The following RAD51B variants were observed in gnomAD, a reference collection of about 807,000 sequenced individuals.
RAD51B encodes the protein DNA repair protein RAD51 homolog 2.
Under a neutral mutation model 42.2 loss-of-function variants are expected in RAD51B, and 38 were observed. The ratio of observed to expected loss-of-function variants is 0.90; its 90% confidence interval spans 0.70 to 1.18. The LOEUF (loss-of-function observed/expected upper bound fraction) is 1.18. Ranked by LOEUF, RAD51B falls within the 50% of genes most tolerant of loss-of-function variation. The pLI, the probability that RAD51B is intolerant of heterozygous loss-of-function variation, is 0.00. For missense variants in RAD51B, 373 were observed against 400.7 expected, an observed-to-expected ratio of 0.93 and a Z score of 0.59; for synonymous variants, 154 against 145.2, an observed-to-expected ratio of 1.06 and a Z score of -0.43.
At chr14:68,071,994 A>G (rs1249142211) in intron 7 of RAD51B, among the ~76,000 whole-genome samples, 1 of 143,308 alleles carries the variant, frequency 7.0e-6, no homozygotes, top group Admixed American at 7.1e-5. Flanking sequence ...GGGATGTTGT[A>G]TGTTTCCAGG....
chr14:68,673,892 A>G (rs1322134175), intron 11 of RAD51B, among the ~76,000 whole-genome samples: 2 of 151,642 alleles, frequency 1.3e-5, no homozygotes, highest in Non-Finnish European at 2.9e-5. Context: ...ACATGTATAC[A>G]TGCACACACA....
chr14:68,221,801 CTAA>C (rs1185314387), intron 7 of RAD51B, among the ~76,000 whole-genome samples: 2 of 152,124 alleles, frequency 1.3e-5, no homozygotes, highest in African/African-American at 4.8e-5. Context: ...TGACAAAGGA[CTAA>C]TATCCAGAAT....
intron 7 of RAD51B, among the ~76,000 whole-genome samples, chr14:68,096,974 G>A (rs2140536097): frequency 6.6e-6 from 1 of 152,264 alleles, no homozygotes; most frequent in Middle Eastern, 3.4e-3. Context: ...ACATGTGTAA[G>A]GACAATTAAG....
chr14:68,645,588 C>T (rs547561882), intron 10 of RAD51B, among the ~76,000 whole-genome samples: 1 of 152,320 alleles, frequency 6.6e-6, no homozygotes, highest in South Asian at 2.1e-4. Flanking sequence ...CTGTTTTCCA[C>T]AATGGCTGTA....
intron 3 of RAD51B, among the ~76,000 whole-genome samples, chr14:67,826,325 T>G (rs1441860108): frequency 2.0e-5 from 3 of 152,202 alleles, no homozygotes; most frequent in Admixed American, 1.3e-4. Flanking sequence ...AAAAGGTAAT[T>G]AAAAATTTAT....
At chr14:68,262,238 A>G (rs1438719849) in intron 7 of RAD51B, among the ~76,000 whole-genome samples, 1 of 152,154 alleles carries the variant, frequency 6.6e-6, no homozygotes, top group East Asian at 1.9e-4. Flanking sequence ...TTTAGCATCC[A>G]AGGTTTAAGA....
intron 7 of RAD51B, among the ~76,000 whole-genome samples, chr14:67,952,189 G>C (rs1396374270): frequency 6.7e-6 from 1 of 148,890 alleles, no homozygotes; most frequent in Admixed American, 6.7e-5. Flanking sequence ...ACCATATGTA[G>C]AAAATGCTCA....
rs555903379 is a variant in RAD51B, at chr14:68,437,251, A to G, written c.957+25724A>G. 7.2e-5 allele frequency among the ~76,000 whole-genome samples: 11 copies of G among 152,338 alleles called. No individual in the cohort carries two copies. In the South Asian group the frequency reaches 2.3e-3, roughly 32 times the overall value. On this transcript the variant is annotated intron_variant, in intron 9 of 10. Coordinates refer to ENST00000471583, the MANE Select transcript of RAD51B (RefSeq NM_133510.4). ...TATGGATTTTCTCAGAAGCTTCCGC[A>G]TCTATTGAGATGATCATATGGTTTT...
At chr14:68,675,472 C>T (rs1202255257) in intron 11 of RAD51B, among the ~76,000 whole-genome samples, 5 of 152,168 alleles carry the variant, frequency 3.3e-5, no homozygotes, top group African/African-American at 1.2e-4. Context: ...GCCCCCAACA[C>T]AGTAACACAA....
intron 8 of RAD51B, among the ~76,000 whole-genome samples, chr14:68,317,459 G>A (rs115122041): frequency 0.015 from 2,259 of 150,668 alleles, 54 homozygotes; most frequent in African/African-American, 0.053. Flanking sequence ...GTAAAGTGCC[G>A]TGTGATGTCA....
At chr14:68,355,152 G>A (rs964316184) in intron 8 of RAD51B, among the ~76,000 whole-genome samples, 2 of 152,122 alleles carry the variant, frequency 1.3e-5, no homozygotes, top group Admixed American at 1.3e-4. Flanking sequence ...TTGCTTTGGT[G>A]GGACTAGTAC....
chr14:67,873,628 C>T (rs2042620755), intron 5 of RAD51B, among the ~76,000 whole-genome samples: 1 of 151,744 alleles, frequency 6.6e-6, no homozygotes, highest in Admixed American at 6.6e-5. Context: ...GCTATAAAGA[C>T]ACATGCACAC....
intron 7 of RAD51B, among the ~76,000 whole-genome samples, chr14:67,994,141 G>T (rs1360835981): frequency 6.6e-6 from 1 of 150,790 alleles, no homozygotes; most frequent in East Asian, 1.9e-4. Flanking sequence ...TCCTTTTTTG[G>T]ACTGTTGTTA....
At chr14:68,094,811 A>G (rs1400672996) in intron 7 of RAD51B, among the ~76,000 whole-genome samples, 1 of 152,226 alleles carries the variant, frequency 6.6e-6, no homozygotes, top group African/African-American at 2.4e-5. Context: ...GAAATCAAAT[A>G]TTTCAGTTGT....
chr14:68,047,411 A>G (rs578226271), intron 7 of RAD51B, among the ~76,000 whole-genome samples: 5 of 152,310 alleles, frequency 3.3e-5, no homozygotes, highest in African/African-American at 1.2e-4. Context: ...TTTTAAATTT[A>G]TGATGATAAA....
chr14:67,885,146 G>A (rs2140049630), intron 5 of RAD51B, among the ~76,000 whole-genome samples: 1 of 152,178 alleles, frequency 6.6e-6, no homozygotes, highest in Admixed American at 6.5e-5. Context: ...GAAATGAGAT[G>A]GTTAAACTCA....
At chr14:68,407,344 A>G (rs2084305410) in intron 8 of RAD51B, among the ~76,000 whole-genome samples, 1 of 152,230 alleles carries the variant, frequency 6.6e-6, no homozygotes, top group African/African-American at 2.4e-5. Context: ...TAGTAAATAC[A>G]TATAATAAGA....
intron 10 of RAD51B, among the ~76,000 whole-genome samples, chr14:68,607,125 A>G (rs1277232832): frequency 2.6e-5 from 4 of 152,118 alleles, no homozygotes; most frequent in Non-Finnish European, 5.9e-5. Flanking sequence ...TGACTTTTCC[A>G]GGGTCATGCG....
chr14:67,824,930 TAGCC>T (rs1307186970), intron 2 of RAD51B, among the ~76,000 whole-genome samples: 2 of 151,278 alleles, frequency 1.3e-5, no homozygotes, highest in Non-Finnish European at 2.9e-5. Context: ...TAAAAAAAAT[TAGCC>T]AGGCATGGTA....
Sources: allele counts gnomAD v4.1 joint callset (sites outside exome capture counted in the v4.1 genomes callset), GRCh38; gene constraint gnomAD v4.1.1; transcripts MANE v1.5; gene names NCBI Gene and HGNC (gene_info 2026-07-23, HGNC 2026-07-21).